The following AGBL1 variants were observed in gnomAD, a reference collection of about 807,000 sequenced individuals.
AGBL1 encodes AGBL carboxypeptidase 1, also known as cytosolic carboxypeptidase 4.
In AGBL1, 130 loss-of-function variants were observed where a neutral mutation model predicts 118.9. The ratio of observed to expected loss-of-function variants is 1.09; its 90% CI spans 0.95 to 1.26. The LOEUF (loss-of-function observed/expected upper bound fraction) is 1.26. AGBL1 is among the 50% of genes most tolerant of loss of function. The probability of loss-of-function intolerance (pLI) is 0.00; values close to 1 mark genes in which losing one functional copy is unlikely to be tolerated. For missense variants in AGBL1, 1,584 were observed against 1,298.1 expected, an observed-to-expected ratio of 1.22 and a Z score of -3.38; for synonymous variants, 555 against 478.9, an observed-to-expected ratio of 1.16 and a Z score of -2.08.
chr15:86,342,265 T>G (rs1391999517), intron 17 of AGBL1, among the ~76,000 whole-genome samples: 2 of 152,222 alleles, frequency 1.3e-5, no homozygotes, highest in Admixed American at 1.3e-4. Flanking sequence ...CTATATAATT[T>G]GGTCATGAAC....
intron 17 of AGBL1, among the ~76,000 whole-genome samples, chr15:86,382,783 C>T (rs1480495287): frequency 1.3e-5 from 2 of 151,992 alleles, no homozygotes; most frequent in Non-Finnish European, 2.9e-5. Flanking sequence ...TATAATAGCT[C>T]TATTTAAATT....
At chr15:86,869,489 A>G (rs908896219) in intron 22 of AGBL1, among the ~76,000 whole-genome samples, 4 of 152,166 alleles carry the variant, frequency 2.6e-5, no homozygotes, top group African/African-American at 9.6e-5. Flanking sequence ...AAGCTAAATG[A>G]CACACTAGTG....
At chr15:86,732,587 A>C (rs2077540681) in intron 22 of AGBL1, among the ~76,000 whole-genome samples, 1 of 152,230 alleles carries the variant, frequency 6.6e-6, no homozygotes. Flanking sequence ...TCTTTTGAAA[A>C]TTAAGTTCTT....
intron 18 of AGBL1, among the ~76,000 whole-genome samples, chr15:86,514,157 C>T (rs2083087954): frequency 6.6e-6 from 1 of 151,284 alleles, no homozygotes; most frequent in Non-Finnish European, 1.5e-5. Context: ...CACACACACA[C>T]ACACATACAC....
chr15:86,157,191 T>C (rs1386437119), intron 4 of AGBL1, among the ~76,000 whole-genome samples: 2 of 152,174 alleles, frequency 1.3e-5, no homozygotes, highest in Non-Finnish European at 2.9e-5. Context: ...CTTGAATCCT[T>C]GTTCACAGAT....
intron 21 of AGBL1, among the ~76,000 whole-genome samples, chr15:86,576,680 T>C (rs1321375084): frequency 6.6e-6 from 1 of 152,168 alleles, no homozygotes; most frequent in Non-Finnish European, 1.5e-5. Flanking sequence ...TGAATTCCCA[T>C]GTGTTGTGGG....
At chr15:86,934,949 A>C (rs1168290540) in intron 23 of AGBL1, 4 of 152,230 alleles carry the variant, frequency 2.6e-5, no homozygotes, top group Admixed American at 1.3e-4. Context: ...TCCTGATATC[A>C]CACCAAATTT....
chr15:86,806,090 T>TGGAA (rs1417686248), intron 22 of AGBL1, among the ~76,000 whole-genome samples: 1 of 152,104 alleles, frequency 6.6e-6, no homozygotes, highest in Non-Finnish European at 1.5e-5. Flanking sequence ...GATTGGAGAC[T>TGGAA]GGAAGGAAGG....
chr15:86,166,245 A>G (rs1005039633), intron 5 of AGBL1, among the ~76,000 whole-genome samples: 16 of 152,204 alleles, frequency 1.1e-4, no homozygotes, highest in African/African-American at 3.9e-4. Flanking sequence ...GCCTGTCTCA[A>G]TGTTAAGTGC....
At chr15:86,877,003 G>T (rs748116424) in intron 22 of AGBL1, among the ~76,000 whole-genome samples, 3 of 151,990 alleles carry the variant, frequency 2.0e-5, no homozygotes, top group Admixed American at 1.3e-4. Flanking sequence ...TCCCATTCCT[G>T]GTCTAGGAAA....
At chr15:86,244,355 G>A (rs114181618) in intron 6 of AGBL1, among the ~76,000 whole-genome samples, 1 of 152,248 alleles carries the variant, frequency 6.6e-6, no homozygotes, top group African/African-American at 2.4e-5. Context: ...AGATCTTCCA[G>A]AACTCCTCTA....
intron 18 of AGBL1, among the ~76,000 whole-genome samples, chr15:86,462,150 T>C (rs1418362703): frequency 6.6e-6 from 1 of 152,198 alleles, no homozygotes; most frequent in Non-Finnish European, 1.5e-5. Context: ...GAGTCAGAGA[T>C]CTAGGTTGAA....
intron 22 of AGBL1, among the ~76,000 whole-genome samples, chr15:86,839,599 T>C (rs562918576): frequency 6.6e-5 from 10 of 152,342 alleles, no homozygotes; most frequent in African/African-American, 1.9e-4. Flanking sequence ...GCAGTATCCC[T>C]GGCCTCTTCC....
In AGBL1 at chr15:86,212,246, C is replaced by G. The variant is rs1229201632; in HGVS notation, c.489-12668C>G. ...GATTATATTTGCTGTCCTCAAAGAG[C>G]TTCTAGACTAATGTGAAGTCAGATA... On this transcript the variant is annotated intron_variant, in intron 5 of 22. Transcript: ENST00000614907. Among the ~76,000 whole-genome samples, 3 of 152,180 alleles carry G rather than the reference C, an allele frequency of 2.0e-5. No homozygotes were observed. In the East Asian group the frequency reaches 5.8e-4, roughly 29 times the overall value.
chr15:86,685,207 AC>A (rs1281363178), intron 22 of AGBL1, among the ~76,000 whole-genome samples: 1 of 152,146 alleles, frequency 6.6e-6, no homozygotes, highest in African/African-American at 2.4e-5. Context: ...GGACATGGAC[AC>A]CTCAGGAGAA....
chr15:86,491,963 C>A (rs555476825), intron 18 of AGBL1, among the ~76,000 whole-genome samples: 6 of 151,996 alleles, frequency 3.9e-5, no homozygotes, highest in Admixed American at 3.3e-4. Flanking sequence ...CCTAATACTA[C>A]ACATTCATGA....
At chr15:86,896,124 CT>C (rs1555460642) in intron 22 of AGBL1, among the ~76,000 whole-genome samples, 1 of 151,782 alleles carries the variant, frequency 6.6e-6, no homozygotes, top group Non-Finnish European at 1.5e-5. Flanking sequence ...TTAAATCTAC[CT>C]TTTTTCCCAA....
At chr15:86,457,166 T>TCCTATC (rs146747617) in intron 18 of AGBL1, among the ~76,000 whole-genome samples, 2 of 151,572 alleles carry the variant, frequency 1.3e-5, no homozygotes, top group African/African-American at 4.8e-5. Context: ...GCAAATATCT[T>TCCTATC]TCTATGTTTT....
intron 20 of AGBL1, among the ~76,000 whole-genome samples, chr15:86,546,517 T>C (rs1005496432): frequency 6.6e-6 from 1 of 152,156 alleles, no homozygotes; most frequent in Non-Finnish European, 1.5e-5. Flanking sequence ...AAAATGAGGA[T>C]AGTAAAAATA....
Sources: allele counts gnomAD v4.1 joint callset (sites outside exome capture counted in the v4.1 genomes callset), GRCh38; gene constraint gnomAD v4.1.1; transcripts MANE v1.5; gene names NCBI Gene and HGNC (gene_info 2026-07-23, HGNC 2026-07-21).